DLC1: variants seen among roughly 807,000 people sequenced by gnomAD.
DLC1 encodes DLC1 Rho GTPase activating protein, also known as rho GTPase-activating protein 7.
A neutral mutation model predicts 140.3 loss-of-function variants in DLC1; 54 were observed. That is an observed-to-expected ratio of 0.38 (90% CI 0.31 to 0.48). The LOEUF (loss-of-function observed/expected upper bound fraction) is 0.48. Among genes scored for constraint, DLC1 ranks in the 20% least tolerant of loss-of-function variants. DLC1 has a pLI of 0.96. For missense variants in DLC1, 2,536 were observed against 1,907.0 expected, an observed-to-expected ratio of 1.33 and a Z score of -6.14; for synonymous variants, 986 against 728.1, an observed-to-expected ratio of 1.35 and a Z score of -5.70.
intron 5 of DLC1, chr8:13,276,723 C>T (rs1443846557): frequency 5.7e-6 from 3 of 528,986 alleles, no homozygotes; most frequent in Non-Finnish European, 7.5e-6. Context: ...GCTCCTGGGT[C>T]ACATAGCAGG....
intron 1 of DLC1, among the ~76,000 whole-genome samples, chr8:13,572,429 C>T (rs1804694344): frequency 6.6e-6 from 1 of 152,090 alleles, no homozygotes; most frequent in African/African-American, 2.4e-5. Flanking sequence ...TTCTCTTGTT[C>T]TGTGGGTTTT....
chr8:13,146,433 A>G (rs953364739), intron 5 of DLC1, among the ~76,000 whole-genome samples: 3 of 152,086 alleles, frequency 2.0e-5, no homozygotes, highest in Non-Finnish European at 4.4e-5. Context: ...AGCTAGTGAT[A>G]CTAAAAATAA....
chr8:13,470,649 G>A (rs939856515), intron 2 of DLC1, among the ~76,000 whole-genome samples: 1 of 152,146 alleles, frequency 6.6e-6, no homozygotes, highest in Admixed American at 6.5e-5. Flanking sequence ...TACACTGTTG[G>A]TGGGAATGCA....
intron 4 of DLC1, among the ~76,000 whole-genome samples, chr8:13,368,684 G>C (rs1476511823): frequency 6.6e-6 from 1 of 152,132 alleles, no homozygotes; most frequent in African/African-American, 2.4e-5. Flanking sequence ...CAGATACTCT[G>C]AGTTGTTAGG....
chr8:13,197,831 AC>A (rs1451612183), intron 5 of DLC1, among the ~76,000 whole-genome samples: 1 of 152,188 alleles, frequency 6.6e-6, no homozygotes, highest in Admixed American at 6.5e-5. Context: ...GACTTCAGGA[AC>A]AGCCAAAATA....
intron 5 of DLC1, among the ~76,000 whole-genome samples, chr8:13,162,214 A>G (rs373837904): frequency 2.6e-5 from 4 of 152,216 alleles, no homozygotes; most frequent in Non-Finnish European, 5.9e-5. Flanking sequence ...AAACAATTCT[A>G]TGGTCTTGGC....
intron 5 of DLC1, among the ~76,000 whole-genome samples, chr8:13,164,044 C>T (rs1824917279): frequency 6.6e-6 from 1 of 152,074 alleles, no homozygotes; most frequent in Non-Finnish European, 1.5e-5. Context: ...CACCTGCAAT[C>T]CCAGCGCTTT....
At chr8:13,086,550 G>A (rs1817581267) in intron 16 of DLC1, 87 bp from the exon 17 acceptor site, 2 of 1,487,428 alleles carry the variant, frequency 1.3e-6, no homozygotes, top group East Asian at 2.3e-5. Context: ...TATTTGCAGT[G>A]TGGTGACGGG....
intron 5 of DLC1, among the ~76,000 whole-genome samples, chr8:13,160,833 C>G (rs750199922): frequency 2.6e-5 from 4 of 152,184 alleles, no homozygotes; most frequent in African/African-American, 7.2e-5. Context: ...CGCCTGTAAT[C>G]CCAGCACTTT....
At chr8:13,360,471 A>G (rs75942355) in intron 4 of DLC1, among the ~76,000 whole-genome samples, 4,068 of 152,270 alleles carry the variant, frequency 0.027, 70 homozygotes, top group Non-Finnish European at 0.033. Flanking sequence ...GTTCTTAACC[A>G]TGGCTGCACA....
At chr8:13,417,604 C>A (rs530375365) in intron 2 of DLC1, among the ~76,000 whole-genome samples, 3 of 152,040 alleles carry the variant, frequency 2.0e-5, no homozygotes, top group Middle Eastern at 3.4e-3. Flanking sequence ...TTAATCCAGT[C>A]TATGATTGTT....
chr8:13,546,137 G>C (rs1803641465), intron 1 of DLC1, among the ~76,000 whole-genome samples: 1 of 151,938 alleles, frequency 6.6e-6, no homozygotes. Context: ...CTATTTATAG[G>C]GCTCATGGTC....
chr8:13,366,141 C>G (rs1240951534), intron 4 of DLC1, among the ~76,000 whole-genome samples: 1 of 152,224 alleles, frequency 6.6e-6, no homozygotes, highest in Non-Finnish European at 1.5e-5. Context: ...GCTCGTCCAG[C>G]TAGCTGTTTA....
chr8:13,235,757 C>T (rs920246157), intron 5 of DLC1, among the ~76,000 whole-genome samples: 1 of 151,856 alleles, frequency 6.6e-6, no homozygotes, highest in Non-Finnish European at 1.5e-5. Context: ...ACTCACAAGA[C>T]CACAGTAATA....
At position 13,083,463 on chromosome 8, in the gene DLC1, C is replaced by CA. The variant is rs1217334203; in HGVS notation, c.*2347dup. 1 of 152,116 alleles carries CA rather than the reference C, an allele frequency of 6.6e-6. No individual in the cohort carries two copies. The highest frequency in any genetic ancestry group is 1.5e-5 in the Non-Finnish European group (1 of 68,030). The allele number at this position is 152,116 out of a possible 1,614,324, so 9.4% of individuals were successfully genotyped here. ...ATGTGTAAGAGACAAGCCCTGCCCT[C>CA]AAAGAGCTTACAATCTAGGCAATTA... On this transcript the variant is annotated 3_prime_UTR_variant, in exon 18 of 18. Coordinates refer to ENST00000276297, the MANE Select transcript of DLC1 (RefSeq NM_182643.3).
chr8:13,450,572 T>C (rs1283002740), intron 2 of DLC1, among the ~76,000 whole-genome samples: 1 of 151,910 alleles, frequency 6.6e-6, no homozygotes, highest in East Asian at 1.9e-4. Context: ...TTGAAAACTA[T>C]ATTTTTACTT....
chr8:13,553,471 G>C (rs1563436978), intron 1 of DLC1, among the ~76,000 whole-genome samples: 1 of 150,834 alleles, frequency 6.6e-6, no homozygotes, highest in Non-Finnish European at 1.5e-5. Context: ...GATTACACTT[G>C]CTTCTCCAGC....
Position 13,133,186 on chromosome 8 carries a change from G to T in DLC1, c.1349-17529C>A, listed in dbSNP as rs1220867358. 4 of 1,429,170 alleles carry T rather than the reference G, an allele frequency of 2.8e-6. No homozygotes were observed. In the African/African-American group the frequency reaches 5.8e-5, roughly 21 times the overall value. 88.5% of individuals were successfully genotyped at this position (1,429,170 alleles called of 1,614,324 possible). A position where few individuals can be genotyped will look rare whatever the true frequency, so the allele number is the denominator to read the frequency against. On this transcript the variant is annotated intron_variant, in intron 5 of 17. Coordinates refer to ENST00000276297, the MANE Select transcript of DLC1 (RefSeq NM_182643.3). ...AAGATCGAAACGAGGGAGCGCTCAG[G>T]GAGTTGGGCGAGAAGTCCGTGAGCC... is the stretch of plus-strand genomic sequence containing the variant.
intron 2 of DLC1, among the ~76,000 whole-genome samples, chr8:13,469,329 C>G (rs1003709670): frequency 1.3e-5 from 2 of 152,096 alleles, no homozygotes; most frequent in Non-Finnish European, 2.9e-5. Context: ...ATTGGGTTTT[C>G]ACATTAGTGA....
Sources: allele counts gnomAD v4.1 joint callset (sites outside exome capture counted in the v4.1 genomes callset), GRCh38; gene constraint gnomAD v4.1.1; transcripts MANE v1.5; gene names NCBI Gene and HGNC (gene_info 2026-07-23, HGNC 2026-07-21).